PTPN11: variants seen among roughly 807,000 people sequenced by gnomAD.
The protein encoded by PTPN11 is tyrosine-protein phosphatase non-receptor type 11.
In PTPN11, 6 loss-of-function variants were observed where a neutral mutation model predicts 78.8. The observed-to-expected ratio is 0.08, with a 90% CI of 0.04 to 0.15. PTPN11 has a LOEUF of 0.15. PTPN11 is among the 10% of genes least tolerant of loss of function. The probability of loss-of-function intolerance (pLI) is 1.00; values close to 1 mark genes in which losing one functional copy is unlikely to be tolerated. For missense variants in PTPN11, 386 were observed against 744.8 expected, an observed-to-expected ratio of 0.52 and a Z score of 5.61; for synonymous variants, 221 against 263.5, an observed-to-expected ratio of 0.84 and a Z score of 1.56.
intron 12 of PTPN11, 73 bp from the exon 13 acceptor site, chr12:112,488,951 A>G (rs938814637): frequency 2.5e-6 from 4 of 1,574,678 alleles, no homozygotes; most frequent in African/African-American, 2.7e-5. Flanking sequence ...TGAGTCCACT[A>G]AAAGTTGTGC....
intron 9 of PTPN11, among the ~76,000 whole-genome samples, chr12:112,480,864 A>G (rs1238780401): frequency 6.6e-6 from 1 of 152,170 alleles, no homozygotes; most frequent in Admixed American, 6.5e-5. Flanking sequence ...AGTGGTGTGG[A>G]TGACTGCCCA....
At position 112,506,613 on chromosome 12, in the gene PTPN11, C is replaced by T. The variant is rs2038938700; in HGVS notation, c.*821C>T. On this transcript the variant is annotated 3_prime_UTR_variant, in exon 16 of 16. Transcript: ENST00000351677. ...TTGGTCGCCAAATGTTGCTGACAAA[C>T]TTATCCCAAAACTTTAGTGGCTTAA... The T allele has an allele frequency of 6.6e-6, 1 of 152,178 alleles. No individual in the cohort carries two copies. The highest frequency in any genetic ancestry group is 1.5e-5 in the Non-Finnish European group (1 of 68,048). The allele number at this position is 152,178 out of a possible 1,614,324, so 9.4% of individuals were successfully genotyped here. A position where few individuals can be genotyped will look rare whatever the true frequency, so the allele number is the denominator to read the frequency against.
chr12:112,505,044 T>C (rs2038916771), intron 15 of PTPN11, among the ~76,000 whole-genome samples: 1 of 152,260 alleles, frequency 6.6e-6, no homozygotes, highest in African/African-American at 2.4e-5. Flanking sequence ...GAGAAATGGC[T>C]GATACTGGTG....
At chr12:112,448,827 C>T (rs1319433052) in intron 2 of PTPN11, among the ~76,000 whole-genome samples, 27 of 152,126 alleles carry the variant, frequency 1.8e-4, no homozygotes, top group Admixed American at 1.8e-3. Context: ...GATAACACTA[C>T]CTCGTATTGG....
At chr12:112,470,822 G>A (rs2038403468) in intron 6 of PTPN11, among the ~76,000 whole-genome samples, 1 of 152,134 alleles carries the variant, frequency 6.6e-6, no homozygotes, top group Admixed American at 6.5e-5. Context: ...GATTGATTCA[G>A]TTCAGTGTTT....
At chr12:112,455,377 AG>A (rs750820008) in intron 5 of PTPN11, among the ~76,000 whole-genome samples, 1 of 151,066 alleles carries the variant, frequency 6.6e-6, no homozygotes, top group Non-Finnish European at 1.5e-5. Flanking sequence ...CTGGGATTAT[AG>A]GTGGTGCCAC....
In PTPN11 at chr12:112,450,425, T is replaced by A. The variant is rs1403012975; in HGVS notation, c.245T>A (p.Met82Lys). 6.2e-7 allele frequency: 1 copy of A among 1,613,952 alleles called. No individual in the cohort carries two copies. Among genetic ancestry groups the A allele is most frequent in the Non-Finnish European group, 8.5e-7 (1 of 1,179,856 alleles). ...TTGGCTGAGTTGGTCCAGTATTACA[T>A]GGAACATCACGGGCAATTAAAAGAG... ...ATLAELVQYYMEHHGQLKEKN... is the reference protein window; with the variant it reads ...ATLAELVQYYKEHHGQLKEKN... Residue 82 changes from methionine to lysine, a missense_variant, in exon 3 of 16, where the codon ATG (methionine) becomes AAG (lysine). Physicochemically the swap from Met to Lys is moderately conservative, Grantham distance 95. Coordinates refer to ENST00000351677, the MANE Select transcript of PTPN11 (RefSeq NM_002834.5).
chr12:112,434,619 A>AG (rs1475030786), intron 1 of PTPN11, among the ~76,000 whole-genome samples: 7 of 152,126 alleles, frequency 4.6e-5, no homozygotes, highest in African/African-American at 1.7e-4. Flanking sequence ...AAAAAAAAAA[A>AG]AGAGAGAAAG....
At chr12:112,502,020 A>G in intron 13 of PTPN11, 124 bp from the exon 14 acceptor site, 2 of 736,232 alleles carry the variant, frequency 2.7e-6, no homozygotes, top group Non-Finnish European at 4.8e-6. Flanking sequence ...AGTATTCTCA[A>G]CCCGTCTATC....
chr12:112,441,653 A>G (rs1329056098), intron 1 of PTPN11, among the ~76,000 whole-genome samples: 1 of 152,226 alleles, frequency 6.6e-6, no homozygotes, highest in Non-Finnish European at 1.5e-5. Flanking sequence ...AGAACTCTAC[A>G]TTTAATATTG....
chr12:112,447,666 A>AT (rs574937347), intron 2 of PTPN11, among the ~76,000 whole-genome samples: 3 of 151,460 alleles, frequency 2.0e-5, no homozygotes, highest in Non-Finnish European at 4.4e-5. Context: ...TGCCCAGCTA[A>AT]TTTTTGTATT....
At chr12:112,427,761 A>AT (rs942357471) in intron 1 of PTPN11, among the ~76,000 whole-genome samples, 2 of 149,978 alleles carry the variant, frequency 1.3e-5, no homozygotes, top group African/African-American at 2.5e-5. Context: ...TTATTTATTT[A>AT]TTTTTTTTGA....
chr12:112,435,855 A>G (rs2037781207), intron 1 of PTPN11, among the ~76,000 whole-genome samples: 1 of 152,110 alleles, frequency 6.6e-6, no homozygotes, highest in Admixed American at 6.6e-5. Flanking sequence ...TAATGGATTA[A>G]GTCCTTCAAT....
In PTPN11 at chr12:112,456,864, T is replaced by C. The variant is rs557318718; in HGVS notation, c.756+801T>C. 2.0e-5 allele frequency among the ~76,000 whole-genome samples: 3 copies of C among 152,228 alleles called. No homozygotes were observed. The South Asian group carries it at 6.2e-4, about 32-fold the overall frequency. ...TCCAGCTTTGACGTGCCAAATGTGG[T>C]GGCTTTAATTTCAGAGTTCAAATTG... On this transcript the variant is annotated intron_variant, in intron 6 of 15. Coordinates refer to ENST00000351677, the MANE Select transcript of PTPN11 (RefSeq NM_002834.5).
At chr12:112,446,092 A>T (rs1055420475) in intron 1 of PTPN11, among the ~76,000 whole-genome samples, 184 bp from the exon 2 acceptor site, 2 of 152,028 alleles carry the variant, frequency 1.3e-5, no homozygotes, top group Admixed American at 6.6e-5. Context: ...CCAGGTCTCT[A>T]CCAAGGGAAA....
At chr12:112,429,481 C>CTTTT (rs1177861343) in intron 1 of PTPN11, among the ~76,000 whole-genome samples, 5 of 110,826 alleles carry the variant, frequency 4.5e-5, no homozygotes, top group African/African-American at 1.0e-4. Context: ...GTTGAAACTA[C>CTTTT]TTTTTTTTTT....
intron 1 of PTPN11, among the ~76,000 whole-genome samples, chr12:112,426,112 A>C (rs2135827778): frequency 6.6e-6 from 1 of 152,332 alleles, no homozygotes; most frequent in East Asian, 1.9e-4. Context: ...AATATTCAGC[A>C]TCATTGTATT....
chr12:112,435,287 T>C (rs577903523), intron 1 of PTPN11, among the ~76,000 whole-genome samples: 12 of 152,328 alleles, frequency 7.9e-5, no homozygotes, highest in African/African-American at 2.9e-4. Context: ...CCCAAAGTGC[T>C]GCGATTACAG....
chr12:112,424,107 A>G (rs539871427), intron 1 of PTPN11, among the ~76,000 whole-genome samples: 23 of 152,214 alleles, frequency 1.5e-4, no homozygotes, highest in South Asian at 6.2e-4. Context: ...CCACTGGCCT[A>G]CTCTAATGAA....
Sources: allele counts gnomAD v4.1 joint callset (sites outside exome capture counted in the v4.1 genomes callset), GRCh38; gene constraint gnomAD v4.1.1; transcripts MANE v1.5; gene names NCBI Gene and HGNC (gene_info 2026-07-23, HGNC 2026-07-21).